Variants in ODF2L observed in about 807,000 individuals in gnomAD.
ODF2L encodes the protein protein BCAP.
ODF2L carries 76 observed loss-of-function variants against 86.3 expected under a neutral mutation model. That is an observed-to-expected ratio of 0.88 (90% CI 0.73 to 1.07). ODF2L has a LOEUF of 1.07. ODF2L is among the 50% of genes least tolerant of loss of function. The pLI is 0.00. For synonymous variants in ODF2L, 241 were observed against 231.3 expected (o/e 1.04, Z -0.38); for missense variants, 748 against 717.4 (o/e 1.04, Z -0.49).
chr1:86,368,606 G>A (rs1157356648), intron 11 of ODF2L: 1 of 1,360,650 alleles, frequency 7.3e-7, no homozygotes, highest in Non-Finnish European at 9.6e-7. Context: ...GAGGTATAGA[G>A]AACTAATGGC....
chr1:86,386,220 T>A (rs1660943863), intron 2 of ODF2L: 1 of 152,256 alleles, frequency 6.6e-6, no homozygotes, highest in South Asian at 2.1e-4. Flanking sequence ...TATTCCCCAC[T>A]CTAAAGAAGT....
In ODF2L at chr1:86,382,124, C is replaced by A. The variant is rs373449408; in HGVS notation, c.624+118G>T. 11 of 1,275,992 alleles carry A rather than the reference C, an allele frequency of 8.6e-6. No homozygotes were observed. In the East Asian group the frequency reaches 1.7e-4, roughly 20 times the overall value. The allele number at this position is 1,275,992 out of a possible 1,614,324, so 79.0% of individuals were successfully genotyped here. ...TAAGATTTACCTTAAATATGTATTT[C>A]CCATGTCAACAACTGTGTATTTTAA... On this transcript the variant is annotated intron_variant, in intron 7 of 17. Transcript: ENST00000317336.
intron 1 of ODF2L, among the ~76,000 whole-genome samples, chr1:86,388,346 T>C (rs1352705913): frequency 2.0e-5 from 3 of 152,120 alleles, no homozygotes; most frequent in Non-Finnish European, 2.9e-5. Flanking sequence ...CATCTACTAA[T>C]TCATTCAGTT....
intron 7 of ODF2L, among the ~76,000 whole-genome samples, chr1:86,380,610 T>C (rs1660515110): frequency 6.6e-6 from 1 of 152,170 alleles, no homozygotes; most frequent in South Asian, 2.1e-4. Flanking sequence ...TCAAGGAGTA[T>C]ACTGAAATGA....
chr1:86,347,039 T>C (rs1232822358), downstream of ODF2L: 1 of 152,212 alleles, frequency 6.6e-6, no homozygotes, highest in Non-Finnish European at 1.5e-5. Context: ...CTCTGGCACA[T>C]AGCAAGTGCT....
At chr1:86,383,732 T>C (rs1660744549) in intron 4 of ODF2L, among the ~76,000 whole-genome samples, 1 of 151,764 alleles carries the variant, frequency 6.6e-6, no homozygotes, top group African/African-American at 2.4e-5. Flanking sequence ...GTACATATAA[T>C]GCAAAATTGT....
chr1:86,350,699 C>CTAA (rs1658069864), exon 18 of ODF2L: 2 of 152,178 alleles, frequency 1.3e-5, no homozygotes, highest in Non-Finnish European at 1.5e-5. Context: ...AGTGGTTGAA[C>CTAA]TAATTTACAC....
intron 12 of ODF2L, 80 bp from the exon 12 acceptor site, chr1:86,358,971 T>C: frequency 4.4e-6 from 3 of 680,004 alleles, no homozygotes; most frequent in Non-Finnish European, 7.2e-6. Context: ...AAATTTCATT[T>C]TAAACAAGTC....
chr1:86,388,771 A>G (rs1002026681), intron 1 of ODF2L, among the ~76,000 whole-genome samples: 1 of 152,156 alleles, frequency 6.6e-6, no homozygotes, highest in Non-Finnish European at 1.5e-5. Flanking sequence ...ATCATAAGAT[A>G]AAGTCATAAA....
chr1:86,376,201 C>G (rs367894047), intron 8 of ODF2L, 32 bp downstream of exon 8: 4 of 1,269,576 alleles, frequency 3.2e-6, no homozygotes, highest in Non-Finnish European at 2.3e-6. Flanking sequence ...CATAATAGAT[C>G]TTTTAATTTT....
Position 86,371,036 on chromosome 1 carries a change from A to G in ODF2L, c.1038T>C (p.Leu346=), listed in dbSNP as rs777016334. ...ATAGTACCTTTAATTTTGTATTCTC[A>G]AGATTCAGAGTTTCATTTTCATATT... Residue 346 remains leucine (L), a synonymous_variant, in exon 10 of 18, where the codon CTT becomes CTC. Transcript: ENST00000317336. 6.4e-6 allele frequency: 10 copies of G among 1,573,214 alleles called. No individual in the cohort carries two copies. In the South Asian group the frequency reaches 1.2e-4, roughly 19 times the overall value.
chr1:86,379,370 A>T (rs529364726), intron 7 of ODF2L, among the ~76,000 whole-genome samples: 1 of 152,366 alleles, frequency 6.6e-6, no homozygotes, highest in South Asian at 2.1e-4. Flanking sequence ...TGCTACCATT[A>T]TCAAAGATAC....
chr1:86,377,171 C>A (rs1036127830), intron 7 of ODF2L, among the ~76,000 whole-genome samples: 1 of 152,192 alleles, frequency 6.6e-6, no homozygotes, highest in African/African-American at 2.4e-5. Flanking sequence ...CCATGCAAGT[C>A]CAAAATCCAG....
intron 11 of ODF2L, among the ~76,000 whole-genome samples, chr1:86,366,391 TAC>T (rs71643841): frequency 0.18 from 20,936 of 119,160 alleles, 1,931 homozygotes; most frequent in East Asian, 0.39. Context: ...AGACCCCACC[TAC>T]ACACACACAC....
chr1:86,370,408 T>C (rs141489051), intron 10 of ODF2L, among the ~76,000 whole-genome samples: 58 of 152,296 alleles, frequency 3.8e-4, no homozygotes, highest in African/African-American at 1.4e-3. Flanking sequence ...ATTTATCCTG[T>C]GCACATAAAC....
intron 17 of ODF2L, 63 bp downstream of exon 16, chr1:86,352,796 T>A: frequency 2.0e-6 from 2 of 1,013,254 alleles, no homozygotes; most frequent in Non-Finnish European, 2.9e-6. Context: ...ACTTTGTATT[T>A]TCTACATGGT....
chr1:86,371,914 G>A (rs187209451), intron 9 of ODF2L, among the ~76,000 whole-genome samples: 36 of 152,238 alleles, frequency 2.4e-4, no homozygotes, highest in African/African-American at 6.7e-4. Context: ...TGGGCCAGGC[G>A]TGGTGGCTCA....
intron 11 of ODF2L, among the ~76,000 whole-genome samples, chr1:86,364,514 CA>C (rs1342543639): frequency 3.3e-5 from 5 of 152,272 alleles, no homozygotes; most frequent in African/African-American, 1.2e-4. Flanking sequence ...AATGAGTATT[CA>C]TATTTGGCTA....
chr1:86,384,638 A>C, intron 4 of ODF2L, 38 bp downstream of exon 4: 1 of 1,249,212 alleles, frequency 8.0e-7, no homozygotes, highest in Non-Finnish European at 1.1e-6. Flanking sequence ...AATGAGAAAT[A>C]TCACTATTAA....
Sources: gnomAD v4.1 joint callset for allele counts (sites outside exome capture counted in the v4.1 genomes callset) on GRCh38, gnomAD v4.1.1 for gene constraint, MANE v1.5 for transcripts, NCBI Gene and HGNC (gene_info 2026-07-23, HGNC 2026-07-21) for gene names.